GEMIN4: variants seen among roughly 807,000 people sequenced by gnomAD.
The protein encoded by GEMIN4 is gem-associated protein 4.
A neutral mutation model predicts 76.8 loss-of-function variants in GEMIN4; 59 were observed. That is an observed-to-expected ratio of 0.77 (90% CI 0.62 to 0.95). GEMIN4 has a LOEUF of 0.95. Ranked by LOEUF, GEMIN4 falls within the 40% of genes least tolerant of loss-of-function variation. The pLI is 0.00. For synonymous variants in GEMIN4, 562 were observed against 559.7 expected, an observed-to-expected ratio of 1.00 and a Z score of -0.06; for missense variants, 1,311 against 1,318.9, an observed-to-expected ratio of 0.99 and a Z score of 0.09.
chr17:746,885 G>T lies in GEMIN4; in HGVS notation c.1158C>A (p.Phe386Leu). Residue 386 changes from phenylalanine (F) to leucine (L), a missense_variant, in exon 2 of 2, where the codon TTC becomes TTA. Physicochemically the swap from Phe to Leu is conservative, Grantham distance 22. Coordinates refer to ENST00000319004, the MANE Select transcript of GEMIN4 (RefSeq NM_015721.3). The surrounding 1 kb of genome is among the most constrained non-coding windows in gnomAD (Gnocchi z 4.3). ...VSELAECVRD[F>L]LRKTSTVLKN... is the part of the protein sequence containing the mutation. ...TCAGCACCGTGCTCGTTTTCCTCAG[G>T]AAGTCCCTGACACACTCCGCCAGCT... is the stretch of plus-strand genomic sequence containing the variant. The T allele has an allele frequency of 6.2e-7, 1 of 1,613,686 alleles. No individual in the cohort carries two copies. The highest frequency in any genetic ancestry group is 1.7e-4 in the Middle Eastern group (1 of 6,058).
At chr17:753,138 G>A (rs2144217719), upstream of GEMIN4, 1 of 140,142 alleles carries the variant, frequency 7.1e-6, no homozygotes, top group African/African-American at 2.6e-5. Flanking sequence ...AAGGAAGTGG[G>A]GGGCGTGGAG....
Position 747,623 on chromosome 17 carries a change from T to G in GEMIN4, c.420A>C (p.Glu140Asp). Residue 140 changes from glutamate to aspartate, a missense_variant, in exon 2 of 2, where the codon GAA (glutamate) becomes GAC (aspartate). Transcript: ENST00000319004. Reference sequence around the variant, plus strand: ...TCACATGTTCCAGAAAGCGCTCTAGTTCTGCATGGCAGATGGTGGTGGGCA... The same window carrying G: ...TCACATGTTCCAGAAAGCGCTCTAGGTCTGCATGGCAGATGGTGGTGGGCA... ...MALPTTICHA[E>D]LERFLEHVTV... 1.2e-6 allele frequency: 2 copies of G among 1,613,958 alleles called. No individual in the cohort carries two copies. The highest frequency in any genetic ancestry group is 1.7e-6 in the Non-Finnish European group (2 of 1,179,874).
upstream of GEMIN4, chr17:752,480 T>C: frequency 2.2e-6 from 1 of 448,650 alleles, no homozygotes; most frequent in Non-Finnish European, 3.4e-6. Flanking sequence ...GGCCCCGCAT[T>C]CACCCTCACC....
chr17:747,215 CCA>C lies in GEMIN4; in HGVS notation c.826_827del (p.Trp276GlufsTer35). The C allele has an allele frequency of 1.9e-6, 3 of 1,613,848 alleles. No homozygotes were observed. Among genetic ancestry groups the C allele is most frequent in the Non-Finnish European group, 2.5e-6 (3 of 1,179,890 alleles). ...LDKLATVISV[W>X]NSDTQNPYHQ... ...GGTAGGGATTCTGGGTGTCCGAGTT[CCA>C]CACAGAGATCACCGTGGCCAGTTTG... On this transcript the variant is annotated frameshift_variant, in exon 2 of 2. Transcript: ENST00000319004. LOFTEE classifies it high-confidence loss of function.
chr17:747,388 G>C lies in GEMIN4; in HGVS notation c.655C>G (p.Leu219Val). The change falls in exon 2 of 2, where the codon CTG (leucine) becomes GTG (valine). Residue 219 changes from leucine to valine, a missense_variant. Transcript: ENST00000319004. Reference protein sequence around the residue: ...ACPTMPLLAMLLRGLTQIQSR... With the variant: ...ACPTMPLLAMVLRGLTQIQSR... Reference sequence around the variant, plus strand: ...TGGATCTGTGTCAGCCCGCGGAGCAGCATGGCCAACAGGGGCATGGTGGGG... The same window carrying C: ...TGGATCTGTGTCAGCCCGCGGAGCACCATGGCCAACAGGGGCATGGTGGGG... The C allele has an allele frequency of 1.2e-6, 2 of 1,613,846 alleles. No individual in the cohort carries two copies. Among genetic ancestry groups the C allele is most frequent in the Non-Finnish European group, 1.7e-6 (2 of 1,179,892 alleles).
rs577183130 is a variant in GEMIN4 at position 744,625 on chromosome 17, C to T, written c.*241G>A. ...GACTTAGAAGAGACAAAGTGAGATG[C>T]GAAAGAGGAGAATTTTTATGATAGT... On this transcript the variant is annotated 3_prime_UTR_variant, in exon 2 of 2. Coordinates refer to ENST00000319004, the MANE Select transcript of GEMIN4 (RefSeq NM_015721.3). 4.1e-5 allele frequency: 18 copies of T among 435,352 alleles called. 1 individual carries two copies. The South Asian group carries it at 6.8e-4, about 16-fold the overall frequency. The allele number at this position is 435,352 out of a possible 1,614,324, so 27.0% of individuals were successfully genotyped here. A position where few individuals can be genotyped will look rare whatever the true frequency, so the allele number is the denominator to read the frequency against.
intron 1 of GEMIN4, among the ~76,000 whole-genome samples, chr17:750,364 G>A (rs919990102): frequency 2.6e-5 from 4 of 152,074 alleles, no homozygotes; most frequent in South Asian, 4.1e-4. Flanking sequence ...CCATCTCCCC[G>A]GGACGCTATG....
At chr17:752,331 C>G, upstream of GEMIN4, 1 of 1,210,332 alleles carries the variant, frequency 8.3e-7, no homozygotes. Context: ...AACGAGCGCG[C>G]CAAGCGCACA....
rs528143072 is a variant in GEMIN4 at position 746,463 on chromosome 17, T to C, written c.1580A>G (p.Asn527Ser). 6.8e-5 allele frequency: 109 copies of C among 1,614,004 alleles called. 1 individual carries two copies. The Middle Eastern group carries it at 2.5e-3, about 37-fold the overall frequency. Residue 527 changes from asparagine to serine, a missense_variant, in exon 2 of 2, where the codon AAT becomes AGT. By Grantham distance (46) the Asn-to-Ser change is conservative (BLOSUM62 1). This residue lies in a region of GEMIN4 where 1,208 missense variants were observed against 1,166.9 expected (regional missense o/e 1.04). Coordinates refer to ENST00000319004, the MANE Select transcript of GEMIN4 (RefSeq NM_015721.3). The surrounding 1 kb of genome is among the most constrained non-coding windows in gnomAD (Gnocchi z 4.3). ...AYVEGFQEDL[N>S]TTFNQLTQSA... ...CTGAGTGAGCTGGTTAAAAGTTGTA[T>C]TGAGGTCTTCCTGAAAACCCTCCAC...
intron 1 of GEMIN4, among the ~76,000 whole-genome samples, chr17:749,607 C>T (rs11652959): frequency 0.13 from 18,669 of 148,288 alleles, 1,129 homozygotes; most frequent in South Asian, 0.19. Context: ...GGGCACAGAG[C>T]GATCACACGG....
In GEMIN4 at chr17:752,125, G is replaced by C. The variant is rs760302582; in HGVS notation, c.10+8C>G. The C allele has an allele frequency of 8.1e-7, 1 of 1,237,850 alleles. No individual in the cohort carries two copies. The highest frequency in any genetic ancestry group is 1.0e-6 in the Non-Finnish European group (1 of 990,402). The allele number at this position is 1,237,850 out of a possible 1,614,324, so 76.7% of individuals were successfully genotyped here. On this transcript the variant is annotated splice_region_variant and intron_variant, in intron 1 of 1. Transcript: ENST00000319004. ...CGCAGCCCGGGGCCGGGGAGCCGCG[G>C]CACCCACCTAGGTCCATGGCGGCGA...
chr17:751,908 C>G (rs926394340), intron 1 of GEMIN4: 3 of 382,814 alleles, frequency 7.8e-6, no homozygotes, highest in African/African-American at 2.1e-5. Context: ...TCCGTGTTTT[C>G]AAGCGCAGGG....
rs1361022483 is a variant in GEMIN4 at position 752,115 on chromosome 17, G to A, written c.10+18C>T. 14 of 1,235,242 alleles carry A rather than the reference G, an allele frequency of 1.1e-5. No individual in the cohort carries two copies. The highest frequency in any genetic ancestry group is 1.5e-5 in the African/African-American group (1 of 64,648). 76.5% of individuals were successfully genotyped at this position (1,235,242 alleles called of 1,614,324 possible). A position where few individuals can be genotyped will look rare whatever the true frequency, so the allele number is the denominator to read the frequency against. On this transcript the variant is annotated intron_variant, in intron 1 of 1. Transcript: ENST00000319004. ...CATTGCTGGACGCAGCCCGGGGCCG[G>A]GGAGCCGCGGCACCCACCTAGGTCC... is the stretch of plus-strand genomic sequence containing the variant.
chr17:751,063 C>T (rs529959508), intron 1 of GEMIN4, among the ~76,000 whole-genome samples: 23 of 152,294 alleles, frequency 1.5e-4, no homozygotes, highest in African/African-American at 5.5e-4. Context: ...GTAGTAAGTC[C>T]CAGGGCGGTT....
Position 746,612 on chromosome 17 carries a change from C to T in GEMIN4, c.1431G>A (p.Arg477=). Residue 477 remains arginine, a synonymous_variant, in exon 2 of 2, where the codon CGG becomes CGA. Transcript: ENST00000319004. This position sits in a 1 kb window ranked among gnomAD's most constrained non-coding sequence, Gnocchi z 4.3. The stretch of plus-strand genomic sequence containing the variant: ...ATTCCAGGATCAGGTGGATCACCTG[C>T]CGGATCTGAGACTCAGGGATGGCTC... ...ADRAIPESQI[R]QVIHLILECY... 6.2e-7 allele frequency: 1 copy of T among 1,613,646 alleles called. No homozygotes were observed. Among genetic ancestry groups the T allele is most frequent in the Non-Finnish European group, 8.5e-7 (1 of 1,179,890 alleles).
intron 1 of GEMIN4, chr17:748,503 C>T (rs75798765): frequency 0.016 from 2,785 of 175,778 alleles, 69 homozygotes; most frequent in African/African-American, 0.061. Flanking sequence ...GCTGCTGAGG[C>T]GAGACCCTCC....
chr17:744,830 G>A lies in GEMIN4; in HGVS notation c.*36C>T. On this transcript the variant is annotated 3_prime_UTR_variant, in exon 2 of 2. Transcript: ENST00000319004. Reference sequence around the variant, plus strand: ...GGTAAGAAGCTGCTGATCTTCTGCAGACCCGCCATGTTGGGGCCCAGCTCC... The same window carrying A: ...GGTAAGAAGCTGCTGATCTTCTGCAAACCCGCCATGTTGGGGCCCAGCTCC... 1 of 1,572,974 alleles carries A rather than the reference G, an allele frequency of 6.4e-7. No homozygotes were observed. Among genetic ancestry groups the A allele is most frequent in the South Asian group, 1.2e-5 (1 of 85,344 alleles).
chr17:747,483 T>G lies in GEMIN4; in HGVS notation c.560A>C (p.His187Pro). Residue 187 changes from histidine to proline, a missense_variant, in exon 2 of 2, where the codon CAT becomes CCT. Physicochemically the swap from His to Pro is moderately conservative, Grantham distance 77 (BLOSUM62 -2). Around this residue, in one of 2 missense-constraint regions of GEMIN4, gnomAD observed 1,208 missense variants for 1,166.9 expected, o/e 1.04. Coordinates refer to ENST00000319004, the MANE Select transcript of GEMIN4 (RefSeq NM_015721.3). ...CTCATCTAAGGCAGGCAGGTACTTA[T>G]GGGCCATTGCACTAAACTGGGAGAG... ...PLLSQFSAMA[H>P]KYLPALDEFP... 6.2e-7 allele frequency: 1 copy of G among 1,613,842 alleles called. No homozygotes were observed. The highest frequency in any genetic ancestry group is 8.5e-7 in the Non-Finnish European group (1 of 1,179,810).
intron 1 of GEMIN4, among the ~76,000 whole-genome samples, chr17:751,080 T>C (rs114186129): frequency 2.6e-3 from 403 of 152,332 alleles, no homozygotes; most frequent in African/African-American, 9.0e-3. Context: ...GGTTACTAGC[T>C]GGAAAATACT....
Sources: allele counts gnomAD v4.1 joint callset (sites outside exome capture counted in the v4.1 genomes callset), GRCh38; gene constraint gnomAD v4.1.1; regional missense constraint gnomAD v4.1.1; non-coding constraint Gnocchi (gnomAD v3.1); transcripts MANE v1.5; gene names NCBI Gene and HGNC (gene_info 2026-07-23, HGNC 2026-07-21).